EHD4: variants seen among roughly 807,000 people sequenced by gnomAD.
The protein encoded by EHD4 is EH domain containing 4.
In EHD4, 37 loss-of-function variants were observed where a neutral mutation model predicts 51.0. That is an observed-to-expected ratio of 0.73 (90% CI 0.56 to 0.95). EHD4 has a LOEUF of 0.95. Ranked by LOEUF, EHD4 falls within the 40% of genes least tolerant of loss-of-function variation. EHD4 has a pLI of 0.00. For missense variants in EHD4, 632 were observed against 733.1 expected (o/e 0.86, Z 1.59); for synonymous variants, 297 against 317.3 (o/e 0.94, Z 0.68).
Position 41,896,145 on chromosome 15 carries a change from A to C in EHD4, c.*4500T>G, listed in dbSNP as rs1431911860. On this transcript the variant is annotated 3_prime_UTR_variant, in exon 6 of 6. Coordinates refer to ENST00000220325, the MANE Select transcript of EHD4 (RefSeq NM_139265.4). ...TGCATTGGCCCACACAGTGGAAAAA[A>C]ATATCTAGTAGGAATAGGAAGGACT... 2 of 152,064 alleles carry C rather than the reference A, an allele frequency of 1.3e-5. No homozygotes were observed. The highest frequency in any genetic ancestry group is 4.8e-5 in the African/African-American group (2 of 41,376). The allele number at this position is 152,064 out of a possible 1,614,324, so 9.4% of individuals were successfully genotyped here.
chr15:41,950,629 A>G (rs1235137592), intron 2 of EHD4, among the ~76,000 whole-genome samples: 1 of 152,204 alleles, frequency 6.6e-6, no homozygotes, highest in Non-Finnish European at 1.5e-5. Context: ...TGTGGATACT[A>G]CTTAATGAGG....
Position 41,953,871 on chromosome 15 carries a change from G to A in EHD4, c.306C>T (p.Ala102=), listed in dbSNP as rs375397749. The part of the protein sequence containing the change: ...GPEPTTDSFI[A]VMYGETEGST... ...TGCCCTCAGTCTCTCCATACATCAC[G>A]GCGATGAAGGAGTCTGTGGTGGGCT... The change falls in exon 2 of 6, where the codon GCC becomes GCT. Residue 102 remains alanine, a synonymous_variant. Transcript: ENST00000220325. 46 of 1,613,786 alleles carry A rather than the reference G, an allele frequency of 2.9e-5. No homozygotes were observed. Among genetic ancestry groups the A allele is most frequent in the African/African-American group, 2.7e-4 (20 of 74,872 alleles).
At chr15:41,919,135 C>T in intron 4 of EHD4, 75 bp downstream of exon 4, 2 of 1,581,448 alleles carry the variant, frequency 1.3e-6, no homozygotes, top group Non-Finnish European at 1.7e-6. Flanking sequence ...AGCCTCCTCC[C>T]ACCCATCTTG....
At position 41,972,414 on chromosome 15, in the gene EHD4, C is replaced by A. The variant is rs752045229; in HGVS notation, c.81G>T (p.Gly27=). ...CCTTGCGCAGGTAGAGCGAGCGCAG[C>A]CCGCCCGTCACCGTCTGCACCGCGT... is the stretch of plus-strand genomic sequence containing the variant. The part of the protein sequence containing the change: ...GADAVQTVTG[G]LRSLYLRKVL... The change falls in exon 1 of 6, where the codon GGG becomes GGT. Residue 27 remains glycine (G), a synonymous_variant. Coordinates refer to ENST00000220325, the MANE Select transcript of EHD4 (RefSeq NM_139265.4). 1.9e-6 allele frequency: 3 copies of A among 1,608,808 alleles called. No individual in the cohort carries two copies. Among genetic ancestry groups the A allele is most frequent in the East Asian group, 4.5e-5 (2 of 44,600 alleles).
chr15:41,909,637 C>A, intron 5 of EHD4, 62 bp downstream of exon 5: 1 of 1,588,512 alleles, frequency 6.3e-7, no homozygotes, highest in Non-Finnish European at 8.6e-7. Flanking sequence ...CAGCAAACAG[C>A]CAGACAATGT....
At chr15:41,920,949 G>T (rs1344270757) in intron 3 of EHD4, among the ~76,000 whole-genome samples, 2 of 152,220 alleles carry the variant, frequency 1.3e-5, no homozygotes, top group African/African-American at 4.8e-5. Context: ...GGTGGAGAAG[G>T]TGTGAATCCA....
intron 3 of EHD4, among the ~76,000 whole-genome samples, chr15:41,927,323 C>T (rs2067669485): frequency 6.6e-6 from 1 of 152,196 alleles, no homozygotes. Context: ...GAACTGAAAT[C>T]AGGACTTTGA....
At chr15:41,940,541 G>A (rs1296128441) in intron 3 of EHD4, among the ~76,000 whole-genome samples, 1 of 152,180 alleles carries the variant, frequency 6.6e-6, no homozygotes, top group African/African-American at 2.4e-5. Flanking sequence ...CCGGGCTTGG[G>A]AACCACAGCT....
chr15:41,905,981 C>T (rs766455165), intron 5 of EHD4, among the ~76,000 whole-genome samples: 10 of 152,228 alleles, frequency 6.6e-5, no homozygotes, highest in Admixed American at 2.6e-4. Context: ...CTCATTTGTT[C>T]ATTTTTTTGT....
intron 1 of EHD4, among the ~76,000 whole-genome samples, chr15:41,969,201 T>C (rs975928666): frequency 2.6e-5 from 4 of 152,250 alleles, no homozygotes; most frequent in Non-Finnish European, 4.4e-5. Context: ...GAATAAGTTT[T>C]CTGGGGAGAG....
intron 3 of EHD4, among the ~76,000 whole-genome samples, chr15:41,926,570 C>T (rs1251865815): frequency 6.6e-6 from 1 of 152,196 alleles, no homozygotes; most frequent in Non-Finnish European, 1.5e-5. Flanking sequence ...CTTCTTGTCC[C>T]CAGGTTCCAA....
At chr15:41,938,056 A>G (rs2067743997) in intron 3 of EHD4, among the ~76,000 whole-genome samples, 1 of 152,242 alleles carries the variant, frequency 6.6e-6, no homozygotes, top group South Asian at 2.1e-4. Flanking sequence ...CAGAACATTT[A>G]AAATAATTTT....
chr15:41,919,230 T>A lies in EHD4; in HGVS notation c.904A>T (p.Lys302Ter). The A allele has an allele frequency of 6.2e-7, 1 of 1,614,030 alleles. No homozygotes were observed. Among genetic ancestry groups the A allele is most frequent in the African/African-American group, 1.3e-5 (1 of 75,064 alleles). The change falls in exon 4 of 6, where the codon AAG becomes TAG. Residue 302 changes from lysine to a stop codon, truncating the protein, a stop_gained. Transcript: ENST00000220325. LOFTEE classifies it high-confidence loss of function. ...AAVRKLNDLI[K>*]RARLAKVHAY... The stretch of plus-strand genomic sequence containing the variant: ...CTTACCTTGGCCAGCCTCGCTCGCT[T>A]GATGAGGTCGTTGAGCTTGCGCACC...
At chr15:41,902,814 T>C (rs1425722898) in intron 5 of EHD4, among the ~76,000 whole-genome samples, 6 of 133,826 alleles carry the variant, frequency 4.5e-5, no homozygotes, top group Non-Finnish European at 9.6e-5. Flanking sequence ...TATGTGTATA[T>C]ATATGTATGT....
intron 1 of EHD4, among the ~76,000 whole-genome samples, chr15:41,967,248 T>C (rs867141603): frequency 6.6e-6 from 1 of 152,172 alleles, no homozygotes; most frequent in African/African-American, 2.4e-5. Context: ...GCTCAGCTTT[T>C]AGGCTGCATT....
chr15:41,898,304 T>C lies in EHD4; in HGVS notation c.*2341A>G, dbSNP rs2067452998. 1 of 152,258 alleles carries C rather than the reference T, an allele frequency of 6.6e-6. No individual in the cohort carries two copies. The highest frequency in any genetic ancestry group is 1.5e-5 in the Non-Finnish European group (1 of 68,060). 9.4% of individuals were successfully genotyped at this position (152,258 alleles called of 1,614,324 possible). On this transcript the variant is annotated 3_prime_UTR_variant, in exon 6 of 6. Coordinates refer to ENST00000220325, the MANE Select transcript of EHD4 (RefSeq NM_139265.4). ...TCAGAGACCTCAACCTGCTGCCCTC[T>C]AAAGCAGCTTTCTGTATCCAGACAA...
chr15:41,961,535 C>A (rs893118756), intron 1 of EHD4, among the ~76,000 whole-genome samples: 6 of 152,122 alleles, frequency 3.9e-5, no homozygotes, highest in Non-Finnish European at 8.8e-5. Flanking sequence ...ACTATGGAAC[C>A]CTTTTATTTT....
At chr15:41,956,973 TG>T (rs1302704148) in intron 1 of EHD4, among the ~76,000 whole-genome samples, 2 of 152,124 alleles carry the variant, frequency 1.3e-5, no homozygotes, top group African/African-American at 4.8e-5. Context: ...TATATGTTGG[TG>T]GGGGAATAAG....
At chr15:41,971,462 C>T (rs2067994634) in intron 1 of EHD4, among the ~76,000 whole-genome samples, 1 of 152,202 alleles carries the variant, frequency 6.6e-6, no homozygotes, top group African/African-American at 2.4e-5. Context: ...AAATAATTTC[C>T]CAGCAAAAGT....
Sources: gnomAD v4.1 joint callset for allele counts (sites outside exome capture counted in the v4.1 genomes callset) on GRCh38, gnomAD v4.1.1 for gene constraint, MANE v1.5 for transcripts, NCBI Gene and HGNC (gene_info 2026-07-23, HGNC 2026-07-21) for gene names.